FRMD4B: variants seen among roughly 807,000 people sequenced by gnomAD.
FRMD4B encodes the protein FERM domain-containing protein 4B.
A neutral mutation model predicts 141.5 loss-of-function variants in FRMD4B; 74 were observed. The observed-to-expected ratio is 0.52, with a 90% CI of 0.43 to 0.63. The LOEUF (loss-of-function observed/expected upper bound fraction) is 0.63, where lower values mean the gene tolerates loss of function less well. Among genes scored for constraint, FRMD4B ranks in the 30% least tolerant of loss-of-function variants. The pLI, the probability that FRMD4B is intolerant of heterozygous loss-of-function variation, is 0.00. For missense variants in FRMD4B, 1,366 were observed against 1,253.4 expected (o/e 1.09, Z -1.36); for synonymous variants, 506 against 467.9 (o/e 1.08, Z -1.05).
chr3:69,464,967 G>A (rs1470131599), intron 1 of FRMD4B, among the ~76,000 whole-genome samples: 1 of 152,188 alleles, frequency 6.6e-6, no homozygotes, highest in East Asian at 1.9e-4. Context: ...CAGATTAAAA[G>A]AGGCTTTACA....
At chr3:69,206,705 C>T (rs9848630) in intron 11 of FRMD4B, among the ~76,000 whole-genome samples, 148,579 of 152,290 alleles carry the variant, frequency 0.98, 72,594 homozygotes, top group East Asian at 1. Context: ...TTAAATATTT[C>T]CAATAAAATA....
chr3:69,461,965 G>T (rs966678482), intron 1 of FRMD4B, among the ~76,000 whole-genome samples: 1 of 152,128 alleles, frequency 6.6e-6, no homozygotes, highest in African/African-American at 2.4e-5. Context: ...GTAAGAGGCA[G>T]GCCTGCTCTG....
At chr3:69,212,573 G>A (rs2093097310) in intron 11 of FRMD4B, among the ~76,000 whole-genome samples, 1 of 152,064 alleles carries the variant, frequency 6.6e-6, no homozygotes, top group Non-Finnish European at 1.5e-5. Context: ...GTGTCAAGAA[G>A]TATTTGCCAA....
intron 7 of FRMD4B, among the ~76,000 whole-genome samples, chr3:69,242,233 C>T (rs2093389821): frequency 6.6e-6 from 1 of 152,160 alleles, no homozygotes; most frequent in Admixed American, 6.5e-5. Flanking sequence ...AAACTCCTCT[C>T]TTCACTACAG....
At chr3:69,207,465 T>C (rs2093034251) in intron 11 of FRMD4B, among the ~76,000 whole-genome samples, 1 of 152,192 alleles carries the variant, frequency 6.6e-6, no homozygotes, top group African/African-American at 2.4e-5. Context: ...TTTCTTCATG[T>C]GCCAACAGTT....
chr3:69,474,397 T>C (rs1705948206), intron 1 of FRMD4B, among the ~76,000 whole-genome samples: 1 of 152,116 alleles, frequency 6.6e-6, no homozygotes, highest in Non-Finnish European at 1.5e-5. Flanking sequence ...CTGAGTTAAG[T>C]TCCTGAGTAT....
At chr3:69,472,944 T>TC (rs1263626390) in intron 1 of FRMD4B, among the ~76,000 whole-genome samples, 1 of 149,018 alleles carries the variant, frequency 6.7e-6, no homozygotes, top group Non-Finnish European at 1.5e-5. Context: ...TTTTCTTTTT[T>TC]TTTTTTTTTG....
chr3:69,310,137 C>G (rs1207780883), intron 3 of FRMD4B, among the ~76,000 whole-genome samples: 1 of 152,126 alleles, frequency 6.6e-6, no homozygotes, highest in Non-Finnish European at 1.5e-5. Context: ...AGTCCAGAAT[C>G]AAGTTTTCAG....
At chr3:69,340,627 C>T (rs928744239) in intron 1 of FRMD4B, among the ~76,000 whole-genome samples, 13 of 152,170 alleles carry the variant, frequency 8.5e-5, no homozygotes, top group African/African-American at 3.1e-4. Context: ...GACTTCAGCT[C>T]CTTGATACCT....
intron 2 of FRMD4B, among the ~76,000 whole-genome samples, chr3:69,404,136 A>T (rs1028477995): frequency 6.6e-6 from 1 of 152,176 alleles, no homozygotes; most frequent in Middle Eastern, 3.2e-3. Flanking sequence ...GCTTCAAGTG[A>T]TCCTCTTGTC....
At chr3:69,240,406 G>C (rs1032961880) in intron 7 of FRMD4B, among the ~76,000 whole-genome samples, 1 of 146,138 alleles carries the variant, frequency 6.8e-6, no homozygotes, top group African/African-American at 2.5e-5. Flanking sequence ...GCTTGAACCC[G>C]GGAGGCGGAG....
intron 5 of FRMD4B, among the ~76,000 whole-genome samples, chr3:69,254,833 AG>A (rs2093483517): frequency 6.6e-6 from 1 of 152,182 alleles, no homozygotes; most frequent in South Asian, 2.1e-4. Context: ...GGTACAAGCT[AG>A]CTCCAGCACA....
At chr3:69,449,846 A>C (rs974356654) in intron 1 of FRMD4B, among the ~76,000 whole-genome samples, 3 of 152,188 alleles carry the variant, frequency 2.0e-5, no homozygotes, top group African/African-American at 7.2e-5. Flanking sequence ...TAAAATTGTT[A>C]ATCTCCATAC....
intron 2 of FRMD4B, among the ~76,000 whole-genome samples, chr3:69,399,732 T>C (rs1704528864): frequency 6.6e-6 from 1 of 152,214 alleles, no homozygotes; most frequent in African/African-American, 2.4e-5. Flanking sequence ...TTAGCTTTAA[T>C]GTTGATCCCT....
In FRMD4B at chr3:69,181,279, AC is replaced by A. The variant is rs776252305; in HGVS notation, c.2470del (p.Val824SerfsTer71). 1 of 1,613,894 alleles carries A rather than the reference AC, an allele frequency of 6.2e-7. No homozygotes were observed. The highest frequency in any genetic ancestry group is 1.1e-5 in the South Asian group (1 of 91,086). ...ECDFYYSGGY[V>X]YENDTEGQYS... The stretch of plus-strand genomic sequence containing the variant: ...CTGTCCCTCGGTGTCATTCTCATAG[AC>A]ATAACCACCACTGTAATAAAAGTCA... On this transcript the variant is annotated frameshift_variant, in exon 21 of 23. Coordinates refer to ENST00000398540, the MANE Select transcript of FRMD4B (RefSeq NM_015123.3). LOFTEE classifies it high-confidence loss of function.
chr3:69,485,203 T>C (rs368998370), intron 1 of FRMD4B, among the ~76,000 whole-genome samples: 2 of 152,296 alleles, frequency 1.3e-5, no homozygotes, highest in African/African-American at 4.8e-5. Context: ...GGCTGGGCTG[T>C]GACAGTGGCT....
chr3:69,486,504 T>G (rs1706218682), intron 1 of FRMD4B, among the ~76,000 whole-genome samples: 1 of 152,236 alleles, frequency 6.6e-6, no homozygotes, highest in African/African-American at 2.4e-5. Context: ...TAAGTTAGAT[T>G]TGGCCTGTGG....
chr3:69,206,110 G>GT (rs1271045809), intron 11 of FRMD4B, among the ~76,000 whole-genome samples: 1 of 152,134 alleles, frequency 6.6e-6, no homozygotes, highest in Non-Finnish European at 1.5e-5. Flanking sequence ...CCAGTACTTT[G>GT]GGAGGCCGGG....
In FRMD4B at chr3:69,180,917, C is replaced by CACG; in HGVS notation, c.2830_2832dup (p.Arg944dup). On this transcript the variant is annotated inframe_insertion, in exon 21 of 23. Transcript: ENST00000398540. The stretch of plus-strand genomic sequence containing the variant: ...TTCTCACCTGAAGAGTACGAGGATG[C>CACG]ACGACTGCTTGGAGAACAAGGTACT... 1 of 1,606,604 alleles carries CACG rather than the reference C, an allele frequency of 6.2e-7. No individual in the cohort carries two copies. Among genetic ancestry groups the CACG allele is most frequent in the Non-Finnish European group, 8.5e-7 (1 of 1,174,292 alleles).
Sources: allele counts gnomAD v4.1 joint callset (sites outside exome capture counted in the v4.1 genomes callset), GRCh38; gene constraint gnomAD v4.1.1; transcripts MANE v1.5; gene names NCBI Gene and HGNC (gene_info 2026-07-23, HGNC 2026-07-21).